Variants in LHFPL2 observed in about 807,000 individuals in gnomAD.
LHFPL2 encodes the protein LHFPL tetraspan subfamily member 2.
In LHFPL2, 7 loss-of-function variants were observed where a neutral mutation model predicts 17.5. The observed-to-expected ratio is 0.40, with a 90% CI of 0.23 to 0.75. LHFPL2 has a LOEUF of 0.75. Among genes scored for constraint, LHFPL2 ranks in the 30% least tolerant of loss-of-function variants. LHFPL2 has a pLI of 0.37. For synonymous variants in LHFPL2, 134 were observed against 116.2 expected, an observed-to-expected ratio of 1.15 and a Z score of -0.99; for missense variants, 241 against 294.8, an observed-to-expected ratio of 0.82 and a Z score of 1.34.
intron 2 of LHFPL2, among the ~76,000 whole-genome samples, chr5:78,567,970 A>C (rs1756900927): frequency 6.7e-6 from 1 of 149,702 alleles, no homozygotes; most frequent in Non-Finnish European, 1.5e-5. Context: ...TGGATACTAT[A>C]ATCAACGTGT....
At chr5:78,492,578 CT>C (rs1754480995) in intron 4 of LHFPL2, among the ~76,000 whole-genome samples, 1 of 152,224 alleles carries the variant, frequency 6.6e-6, no homozygotes, top group Non-Finnish European at 1.5e-5. Context: ...GAGGCGCTCC[CT>C]TTTCTAATGG....
chr5:78,505,120 C>T (rs917629173), intron 4 of LHFPL2, among the ~76,000 whole-genome samples: 7 of 152,208 alleles, frequency 4.6e-5, no homozygotes, highest in Non-Finnish European at 7.3e-5. Context: ...GAGCCCTACA[C>T]GCATTTCCAA....
intron 3 of LHFPL2, among the ~76,000 whole-genome samples, chr5:78,555,586 G>A (rs545991376): frequency 6.6e-6 from 1 of 152,342 alleles, no homozygotes; most frequent in African/African-American, 2.4e-5. Flanking sequence ...TCTACTGGAA[G>A]TGGGGACCCA....
At chr5:78,548,274 C>G (rs1001787227) in intron 3 of LHFPL2, among the ~76,000 whole-genome samples, 2 of 152,364 alleles carry the variant, frequency 1.3e-5, no homozygotes, top group Admixed American at 6.5e-5. Context: ...AGAGCTCCAC[C>G]CGGCCTTGGG....
intron 2 of LHFPL2, among the ~76,000 whole-genome samples, chr5:78,569,367 C>T (rs540449736): frequency 2.6e-5 from 4 of 152,280 alleles, no homozygotes; most frequent in African/African-American, 7.2e-5. Flanking sequence ...AACAAATGCT[C>T]GAGGAAGTCT....
At chr5:78,572,756 G>A (rs1229398625) in intron 2 of LHFPL2, among the ~76,000 whole-genome samples, 1 of 152,032 alleles carries the variant, frequency 6.6e-6, no homozygotes, top group East Asian at 1.9e-4. Flanking sequence ...AGATAATCCT[G>A]CATTATCTAC....
chr5:78,498,652 C>T (rs1017195745), intron 4 of LHFPL2, among the ~76,000 whole-genome samples: 15 of 152,250 alleles, frequency 9.9e-5, no homozygotes, highest in South Asian at 2.1e-4. Context: ...TCCCAAAGAC[C>T]ACAGTGTGAA....
intron 3 of LHFPL2, among the ~76,000 whole-genome samples, chr5:78,522,990 G>A (rs1163279971): frequency 1.3e-5 from 2 of 152,114 alleles, no homozygotes; most frequent in African/African-American, 4.8e-5. Context: ...CCAGATGGTC[G>A]CATAAAAACA....
intron 4 of LHFPL2, among the ~76,000 whole-genome samples, chr5:78,495,291 C>T (rs752163829): frequency 3.3e-5 from 5 of 152,170 alleles, no homozygotes; most frequent in Non-Finnish European, 7.3e-5. Context: ...ACCAACCCAC[C>T]CTCTCCACAT....
chr5:78,500,369 G>T (rs1356267102), intron 4 of LHFPL2, among the ~76,000 whole-genome samples: 1 of 152,168 alleles, frequency 6.6e-6, no homozygotes, highest in Non-Finnish European at 1.5e-5. Flanking sequence ...GTGGGTGTTA[G>T]TTAAACCCAT....
At chr5:78,570,590 C>T (rs6872119) in intron 2 of LHFPL2, among the ~76,000 whole-genome samples, 72,052 of 149,834 alleles carry the variant, frequency 0.48, 18,081 homozygotes, top group African/African-American at 0.63. Flanking sequence ...AATTACTCAA[C>T]TGTCTTGCTT....
chr5:78,497,160 C>G (rs139914906), intron 4 of LHFPL2, among the ~76,000 whole-genome samples: 1 of 152,338 alleles, frequency 6.6e-6, no homozygotes, highest in Non-Finnish European at 1.5e-5. Context: ...ATCTTTGACT[C>G]CTTTCTCAGA....
At chr5:78,588,567 T>A (rs759539555) in intron 2 of LHFPL2, among the ~76,000 whole-genome samples, 1 of 152,166 alleles carries the variant, frequency 6.6e-6, no homozygotes, top group African/African-American at 2.4e-5. Flanking sequence ...AAGTTAACAA[T>A]GTACATAGAA....
chr5:78,641,589 A>G (rs1275390703), intron 1 of LHFPL2, among the ~76,000 whole-genome samples: 1 of 152,212 alleles, frequency 6.6e-6, no homozygotes, highest in African/African-American at 2.4e-5. Flanking sequence ...AAGTTTGACA[A>G]AAATATTTGT....
chr5:78,532,248 TG>T (rs1187227162), intron 3 of LHFPL2, among the ~76,000 whole-genome samples: 1 of 151,660 alleles, frequency 6.6e-6, no homozygotes, highest in Non-Finnish European at 1.5e-5. Flanking sequence ...TTAGTAGAGA[TG>T]GGGTTTTGCC....
At chr5:78,608,413 T>C (rs1744300641) in intron 2 of LHFPL2, among the ~76,000 whole-genome samples, 1 of 152,170 alleles carries the variant, frequency 6.6e-6, no homozygotes, top group African/African-American at 2.4e-5. Context: ...ACTGTTTTAC[T>C]TACACAACCT....
intron 3 of LHFPL2, among the ~76,000 whole-genome samples, chr5:78,560,687 T>C (rs1756701994): frequency 6.6e-6 from 1 of 152,236 alleles, no homozygotes; most frequent in Non-Finnish European, 1.5e-5. Flanking sequence ...ACACAAGGCT[T>C]ACGTAACTTG....
Position 78,488,747 on chromosome 5 carries a change from A to T in LHFPL2, c.*150T>A. 6 of 772,046 alleles carry T rather than the reference A, an allele frequency of 7.8e-6. No homozygotes were observed. The highest frequency in any genetic ancestry group is 1.1e-5 in the Non-Finnish European group (5 of 468,466). The allele number at this position is 772,046 out of a possible 1,614,324, so 47.8% of individuals were successfully genotyped here. ...ATGTCCAGTAACTTTGCGTAGCTGG[A>T]TGTGGCCTCTCATTGGTCCTGTTTA... On this transcript the variant is annotated 3_prime_UTR_variant, in exon 5 of 5. Coordinates refer to ENST00000380345, the MANE Select transcript of LHFPL2 (RefSeq NM_005779.3).
rs2112279404 is a variant in LHFPL2, at chr5:78,487,916, A to AAAT, written c.*978_*980dup. ...GCCATTCTGCTACTGTCGGGATTGG[A>AAAT]AATAGAGCTGACTACAGCATGGTCA... On this transcript the variant is annotated 3_prime_UTR_variant, in exon 5 of 5. Coordinates refer to ENST00000380345, the MANE Select transcript of LHFPL2 (RefSeq NM_005779.3). 1 of 152,278 alleles carries AAAT rather than the reference A, an allele frequency of 6.6e-6. No individual in the cohort carries two copies. Among genetic ancestry groups the AAAT allele is most frequent in the East Asian group, 1.9e-4 (1 of 5,184 alleles). The allele number at this position is 152,278 out of a possible 1,614,324, so 9.4% of individuals were successfully genotyped here. A position where few individuals can be genotyped will look rare whatever the true frequency, so the allele number is the denominator to read the frequency against.
Sources: allele counts gnomAD v4.1 joint callset (sites outside exome capture counted in the v4.1 genomes callset), GRCh38; gene constraint gnomAD v4.1.1; transcripts MANE v1.5; gene names NCBI Gene and HGNC (gene_info 2026-07-23, HGNC 2026-07-21).